Variants in GNE observed in about 807,000 individuals in gnomAD.
GNE encodes the protein bifunctional UDP-N-acetylglucosamine 2-epimerase/N-acetylmannosamine kinase.
GNE carries 41 observed loss-of-function variants against 61.8 expected under a neutral mutation model. The observed-to-expected ratio is 0.66, with a 90% CI of 0.52 to 0.86. GNE has a LOEUF of 0.86. Among genes scored for constraint, GNE ranks in the 40% least tolerant of loss-of-function variants. The probability of loss-of-function intolerance (pLI) is 0.00; values close to 1 mark genes in which losing one functional copy is unlikely to be tolerated. For synonymous variants in GNE, 264 were observed against 326.4 expected, an observed-to-expected ratio of 0.81 and a Z score of 2.06; for missense variants, 608 against 909.1, an observed-to-expected ratio of 0.67 and a Z score of 4.26.
At chr9:36,223,862 CT>C (rs1460707934) in intron 7 of GNE, among the ~76,000 whole-genome samples, 1 of 152,008 alleles carries the variant, frequency 6.6e-6, no homozygotes, top group African/African-American at 2.4e-5. Context: ...GGCGATTCTC[CT>C]TCCTCAGCTT....
At chr9:36,266,270 C>T (rs114464554) in intron 1 of GNE, among the ~76,000 whole-genome samples, 4,041 of 152,302 alleles carry the variant, frequency 0.027, 180 homozygotes, top group African/African-American at 0.088. Context: ...CTGGCCAGTA[C>T]CAGTCCATGG....
In GNE at chr9:36,236,893, T is replaced by C; in HGVS notation, c.708A>G (p.Thr236=). The C allele has an allele frequency of 6.2e-7, 1 of 1,613,136 alleles. No homozygotes were observed. Among genetic ancestry groups the C allele is most frequent in the Non-Finnish European group, 8.5e-7 (1 of 1,179,074 alleles). The change falls in exon 4 of 12, where the codon ACA becomes ACG. Residue 236 remains threonine, a synonymous_variant. Transcript: ENST00000642385. ...TGTTAAATGAGATAAGTGCATCCAA[T>C]GTTAATTCAAACATTTTTATGGAAT... is the stretch of plus-strand genomic sequence containing the variant. The part of the protein sequence containing the change: ...IKHSIKMFEL[T]LDALISFNKR...
At chr9:36,230,232 T>G (rs1829078245) in intron 5 of GNE, among the ~76,000 whole-genome samples, 1 of 152,216 alleles carries the variant, frequency 6.6e-6, no homozygotes. Context: ...CGTGAGCCAC[T>G]GTGCATGGCT....
At chr9:36,271,729 A>G (rs1489749210) in intron 1 of GNE, among the ~76,000 whole-genome samples, 1 of 152,184 alleles carries the variant, frequency 6.6e-6, no homozygotes, top group Non-Finnish European at 1.5e-5. Flanking sequence ...TTGAATGTAT[A>G]TGTTTGTGAC....
At chr9:36,268,626 C>G (rs187556013) in intron 1 of GNE, among the ~76,000 whole-genome samples, 4 of 152,190 alleles carry the variant, frequency 2.6e-5, no homozygotes, top group Non-Finnish European at 4.4e-5. Context: ...CATGATCATG[C>G]CACTGCATCT....
At chr9:36,233,755 A>G in intron 5 of GNE, 165 bp downstream of exon 5, 1 of 727,840 alleles carries the variant, frequency 1.4e-6, no homozygotes, top group South Asian at 1.4e-5. Context: ...TTTGGTAATC[A>G]CTGTGTGCTA....
At chr9:36,224,077 A>G (rs1210118959) in intron 7 of GNE, among the ~76,000 whole-genome samples, 1 of 151,784 alleles carries the variant, frequency 6.6e-6, no homozygotes, top group Non-Finnish European at 1.5e-5. Flanking sequence ...GCTTAAGTTC[A>G]ATGTTCGCTA....
chr9:36,228,990 A>G, intron 6 of GNE, 31 bp downstream of exon 6: 1 of 1,222,292 alleles, frequency 8.2e-7, no homozygotes, highest in East Asian at 2.3e-5. Flanking sequence ...TCCCCTTTTA[A>G]ATCACTCAAC....
At chr9:36,233,730 T>G in intron 5 of GNE, 190 bp downstream of exon 5, 1 of 670,502 alleles carries the variant, frequency 1.5e-6, no homozygotes, top group Admixed American at 2.2e-5. Flanking sequence ...AAAATGTAAG[T>G]AGAGATCTAA....
At chr9:36,264,037 G>A (rs1398536393) in intron 1 of GNE, among the ~76,000 whole-genome samples, 1 of 152,180 alleles carries the variant, frequency 6.6e-6, no homozygotes, top group African/African-American at 2.4e-5. Context: ...AGGCCATAGG[G>A]AGAGAATCCA....
intron 1 of GNE, among the ~76,000 whole-genome samples, chr9:36,273,221 AT>A (rs34635171): frequency 0.011 from 1,586 of 146,370 alleles, 11 homozygotes; most frequent in South Asian, 0.025. Context: ...CACTCCATAA[AT>A]TTTTTTTTTT....
intron 5 of GNE, 159 bp downstream of exon 5, chr9:36,233,761 T>C (rs1158117452): frequency 1.4e-6 from 1 of 740,586 alleles, no homozygotes; most frequent in Non-Finnish European, 2.5e-6. Context: ...AATCACTGTG[T>C]GCTATTTATC....
chr9:36,224,152 ACTGAG>A (rs1828746672), intron 7 of GNE, among the ~76,000 whole-genome samples: 1 of 151,862 alleles, frequency 6.6e-6, no homozygotes, highest in Non-Finnish European at 1.5e-5. Context: ...TTTCTTGCTT[ACTGAG>A]GTGACCGGGC....
At chr9:36,229,307 T>G (rs1343966593) in intron 5 of GNE, among the ~76,000 whole-genome samples, 199 bp from the exon 6 acceptor site, 8 of 152,198 alleles carry the variant, frequency 5.3e-5, no homozygotes. Context: ...CATCAAACAC[T>G]TAAGGGCCCT....
At chr9:36,237,103 G>T in intron 3 of GNE, 119 bp from the exon 4 acceptor site, 1 of 804,988 alleles carries the variant, frequency 1.2e-6, no homozygotes, top group Non-Finnish European at 2.1e-6. Flanking sequence ...GATAGAAACA[G>T]TTTGTCAAAT....
At position 36,218,199 on chromosome 9, in the gene GNE, C is replaced by T. The variant is rs1225181077; in HGVS notation, c.1917G>A (p.Gln639=). 6.2e-7 allele frequency: 1 copy of T among 1,613,026 alleles called. No homozygotes were observed. Among genetic ancestry groups the T allele is most frequent in the Non-Finnish European group, 8.5e-7 (1 of 1,179,092 alleles). ...QAAKLGNAKA[Q]SILRTAGTAL... is the part of the protein sequence containing the mutation. ...CATGCTCACCTGTTCTTAGGATGCT[C>T]TGGGCCTTCGCATTGCCAAGTTTCG... The change falls in exon 11 of 12, where the codon CAG becomes CAA. Residue 639 remains glutamine, a synonymous_variant. Coordinates refer to ENST00000642385, the MANE Select transcript of GNE (RefSeq NM_005476.7). The surrounding 1 kb of genome is among the most constrained non-coding windows in gnomAD (Gnocchi z 4.1).
chr9:36,243,877 T>C (rs1033190105), intron 3 of GNE, among the ~76,000 whole-genome samples: 44 of 152,220 alleles, frequency 2.9e-4, no homozygotes, highest in African/African-American at 1.0e-3. Context: ...TGTAATGTAA[T>C]CTAGATTAAA....
chr9:36,223,901 G>A (rs1828732907), intron 7 of GNE, among the ~76,000 whole-genome samples: 1 of 151,962 alleles, frequency 6.6e-6, no homozygotes, highest in Admixed American at 6.5e-5. Flanking sequence ...ACAGGTGCCT[G>A]CCACCACGCC....
chr9:36,217,640 G>T, intron 11 of GNE, 40 bp from the exon 12 acceptor site: 1 of 1,324,748 alleles, frequency 7.5e-7, no homozygotes, highest in Non-Finnish European at 1.1e-6. Context: ...TCTGAGAGAA[G>T]CCAAAATCAA....
Sources: gnomAD v4.1 joint callset for allele counts (sites outside exome capture counted in the v4.1 genomes callset) on GRCh38, gnomAD v4.1.1 for gene constraint, Gnocchi (gnomAD v3.1) non-coding constraint, MANE v1.5 for transcripts, NCBI Gene and HGNC (gene_info 2026-07-23, HGNC 2026-07-21) for gene names.